The following TBC1D32 variants were observed in gnomAD, a reference collection of about 807,000 sequenced individuals.
TBC1D32 encodes the protein protein broad-minded.
Under a neutral mutation model 170.3 loss-of-function variants are expected in TBC1D32, and 151 were observed. That is an observed-to-expected ratio of 0.89 (90% CI 0.78 to 1.01). The LOEUF is 1.01. Ranked by LOEUF, TBC1D32 falls within the 50% of genes least tolerant of loss-of-function variation. The pLI is 0.00. For synonymous variants in TBC1D32, 498 were observed against 488.0 expected (o/e 1.02, Z -0.27); for missense variants, 1,464 against 1,457.1 (o/e 1.00, Z -0.08).
chr6:121,119,983 A>C (rs1327414366), intron 26 of TBC1D32, among the ~76,000 whole-genome samples: 1 of 152,126 alleles, frequency 6.6e-6, no homozygotes, highest in Admixed American at 6.6e-5. Flanking sequence ...ATATCAAAAC[A>C]ATTTTTAATT....
At position 121,261,393 on chromosome 6, in the gene TBC1D32, A is replaced by G. The variant is rs1347835179; in HGVS notation, c.1734-5108T>C. On this transcript the variant is annotated intron_variant, in intron 15 of 31. Transcript: ENST00000398212. ...TACTGGCATCAGGTTGGTGCCCCTC[A>G]AGGTCAGAGATCCCAGAGGAAAGAG... Among the ~76,000 whole-genome samples, 3 of 152,152 alleles carry G rather than the reference A, an allele frequency of 2.0e-5. No individual in the cohort carries two copies. The East Asian group carries it at 5.8e-4, about 29-fold the overall frequency.
chr6:121,268,481 C>A (rs1800866276), intron 15 of TBC1D32, among the ~76,000 whole-genome samples: 1 of 152,024 alleles, frequency 6.6e-6, no homozygotes, highest in Non-Finnish European at 1.5e-5. Flanking sequence ...GCTTCAGTAG[C>A]CAGTTCGATC....
At position 121,111,472 on chromosome 6, in the gene TBC1D32, T is replaced by A. The variant is rs187492565; in HGVS notation, c.3324+1033A>T. Among the ~76,000 whole-genome samples, 7 of 152,322 alleles carry A rather than the reference T, an allele frequency of 4.6e-5. No individual in the cohort carries two copies. In the East Asian group the frequency reaches 1.2e-3, roughly 25 times the overall value. On this transcript the variant is annotated intron_variant, in intron 29 of 31. Transcript: ENST00000398212. ...AAAAGAGAAAAGGCTGTTAGATTTT[T>A]TAAAATCTTCAAGTACAGTTTAAAG...
chr6:121,125,110 C>T (rs1780685872), intron 26 of TBC1D32, among the ~76,000 whole-genome samples: 3 of 151,774 alleles, frequency 2.0e-5, no homozygotes, highest in African/African-American at 7.3e-5. Context: ...TATCTACATG[C>T]TGCAGAATTA....
At chr6:121,109,920 A>G (rs536522589) in intron 29 of TBC1D32, among the ~76,000 whole-genome samples, 2 of 152,078 alleles carry the variant, frequency 1.3e-5, no homozygotes, top group South Asian at 2.1e-4. Context: ...TTTCAAATAC[A>G]TTTTCTAGAG....
intron 22 of TBC1D32, among the ~76,000 whole-genome samples, chr6:121,181,080 C>A (rs1278612472): frequency 6.6e-6 from 1 of 151,810 alleles, no homozygotes; most frequent in African/African-American, 2.4e-5. Context: ...ATCAAAAAGA[C>A]AAAAAATAAC....
At chr6:121,115,280 A>G in intron 26 of TBC1D32, 39 bp from the exon 27 acceptor site, 1 of 1,401,390 alleles carries the variant, frequency 7.1e-7, no homozygotes, top group Non-Finnish European at 9.6e-7. Context: ...AGTGCAGAAA[A>G]GTTTGCATAA....
At chr6:121,272,783 C>T (rs1801653313) in intron 15 of TBC1D32, among the ~76,000 whole-genome samples, 1 of 152,218 alleles carries the variant, frequency 6.6e-6, no homozygotes. Context: ...GATTATAAAT[C>T]ATGCTGCTGT....
chr6:121,255,911 C>T (rs1373980595), intron 16 of TBC1D32, among the ~76,000 whole-genome samples, 173 bp downstream of exon 16: 1 of 152,170 alleles, frequency 6.6e-6, no homozygotes, highest in Non-Finnish European at 1.5e-5. Flanking sequence ...AAAGGAAATA[C>T]TGCAGTCATC....
chr6:121,133,808 T>G (rs1228087162), intron 24 of TBC1D32, among the ~76,000 whole-genome samples: 1 of 152,052 alleles, frequency 6.6e-6, no homozygotes. Context: ...TCTATTTTAT[T>G]TGAATACCAA....
chr6:121,311,300 A>C (rs1808160232), intron 3 of TBC1D32, among the ~76,000 whole-genome samples: 1 of 151,724 alleles, frequency 6.6e-6, no homozygotes, highest in South Asian at 2.1e-4. Flanking sequence ...TGGTGAAAAA[A>C]CTCCTGAAGT....
At chr6:121,334,488 T>C (rs1325332906), upstream of TBC1D32, 1 of 1,539,880 alleles carries the variant, frequency 6.5e-7, no homozygotes, top group East Asian at 2.5e-5. Context: ...AGCCGCGCAC[T>C]GCGCACGCGC....
chr6:121,116,464 G>A (rs1779696552), intron 26 of TBC1D32, among the ~76,000 whole-genome samples: 1 of 152,198 alleles, frequency 6.6e-6, no homozygotes, highest in African/African-American at 2.4e-5. Context: ...AAAAGATTAT[G>A]TCTAGCTAGG....
chr6:121,175,618 C>A (rs923313321), intron 22 of TBC1D32, among the ~76,000 whole-genome samples: 1 of 152,092 alleles, frequency 6.6e-6, no homozygotes, highest in African/African-American at 2.4e-5. Context: ...TGCTTAAAAG[C>A]TCTTTGATTT....
At chr6:121,314,107 G>A (rs1808607197) in intron 3 of TBC1D32, among the ~76,000 whole-genome samples, 1 of 152,172 alleles carries the variant, frequency 6.6e-6, no homozygotes, top group Non-Finnish European at 1.5e-5. Context: ...TTGTTCCCAG[G>A]AAAGACAGAA....
At chr6:121,107,227 G>A (rs1778784254) in intron 29 of TBC1D32, among the ~76,000 whole-genome samples, 2 of 151,892 alleles carry the variant, frequency 1.3e-5, no homozygotes, top group African/African-American at 2.4e-5. Context: ...GAAGATTTAT[G>A]TAAAGCCTTA....
chr6:121,186,613 G>A (rs1158012884), intron 22 of TBC1D32, among the ~76,000 whole-genome samples: 1 of 151,992 alleles, frequency 6.6e-6, no homozygotes, highest in Non-Finnish European at 1.5e-5. Context: ...GCTCTGTTAA[G>A]TAAGCATTTA....
At chr6:121,274,001 C>A (rs997301852) in intron 15 of TBC1D32, among the ~76,000 whole-genome samples, 5 of 152,018 alleles carry the variant, frequency 3.3e-5, no homozygotes, top group African/African-American at 1.2e-4. Flanking sequence ...ACAAAGTGTT[C>A]TTTGCTCAAT....
chr6:121,115,340 T>A, intron 26 of TBC1D32, 99 bp from the exon 27 acceptor site: 1 of 838,090 alleles, frequency 1.2e-6, no homozygotes, highest in Non-Finnish European at 1.7e-6. Flanking sequence ...TTACATATTT[T>A]AATGTGAATT....
Sources: gnomAD v4.1 joint callset for allele counts (sites outside exome capture counted in the v4.1 genomes callset) on GRCh38, gnomAD v4.1.1 for gene constraint, MANE v1.5 for transcripts, NCBI Gene and HGNC (gene_info 2026-07-23, HGNC 2026-07-21) for gene names.